Variants in INPP4B observed in about 807,000 individuals in gnomAD.
INPP4B encodes inositol polyphosphate 4-phosphatase type II.
A neutral mutation model predicts 122.5 loss-of-function variants in INPP4B; 55 were observed. The observed-to-expected ratio is 0.45, with a 90% CI of 0.36 to 0.56. The LOEUF is 0.56. Ranked by LOEUF, INPP4B falls within the 20% of genes least tolerant of loss-of-function variation. The pLI, the probability that INPP4B is intolerant of heterozygous loss-of-function variation, is 0.00. For synonymous variants in INPP4B, 403 were observed against 388.7 expected, an observed-to-expected ratio of 1.04 and a Z score of -0.43; for missense variants, 1,000 against 1,097.7, an observed-to-expected ratio of 0.91 and a Z score of 1.26.
At chr4:142,765,834 A>T (rs1232783202) in intron 1 of INPP4B, 1 of 138,944 alleles carries the variant, frequency 7.2e-6, no homozygotes, top group Non-Finnish European at 1.6e-5. Context: ...CTCAGCAAAA[A>T]GCTTCTGGTT....
At chr4:142,190,547 A>G (rs948817741) in intron 15 of INPP4B, among the ~76,000 whole-genome samples, 2 of 152,166 alleles carry the variant, frequency 1.3e-5, no homozygotes, top group Non-Finnish European at 2.9e-5. Context: ...CCACTGCCCT[A>G]TGGAGAATTC....
At chr4:142,360,154 C>T (rs989790313) in intron 7 of INPP4B, among the ~76,000 whole-genome samples, 1 of 151,856 alleles carries the variant, frequency 6.6e-6, no homozygotes, top group African/African-American at 2.4e-5. Context: ...GATCAGAATT[C>T]TGTTAACATT....
At chr4:142,152,080 T>C (rs1814322347) in intron 17 of INPP4B, among the ~76,000 whole-genome samples, 1 of 130,770 alleles carries the variant, frequency 7.6e-6, no homozygotes, top group South Asian at 2.5e-4. Context: ...TTTTTTTTTT[T>C]TTTTTTTTTT....
chr4:142,842,573 A>G (rs1469430919), intron 1 of INPP4B, among the ~76,000 whole-genome samples: 1 of 140,844 alleles, frequency 7.1e-6, no homozygotes, highest in East Asian at 2.0e-4. Flanking sequence ...ATAATATATG[A>G]TATATAAGAT....
Position 142,173,786 on chromosome 4 carries a change from T to G in INPP4B, c.1205A>C (p.Tyr402Ser), listed in dbSNP as rs144566208. 1 of 1,612,918 alleles carries G rather than the reference T, an allele frequency of 6.2e-7. No individual in the cohort carries two copies. The highest frequency in any genetic ancestry group is 2.2e-5 in the East Asian group (1 of 44,854). The change falls in exon 16 of 26, where the codon TAT becomes TCT. Residue 402 changes from tyrosine (Y) to serine (S), a missense_variant. Tyr to Ser is a moderately radical substitution (Grantham distance 144, BLOSUM62 -2). Coordinates refer to ENST00000262992, the MANE Select transcript of INPP4B (RefSeq NM_001101669.3). ...RRNTGYQFIYYSPENTAKAKE... is the reference protein window; with the variant it reads ...RRNTGYQFIYSSPENTAKAKE... ...TGCTTTGGCTGTGTTTTCAGGTGAA[T>G]AGTAAATAAACTGGTATCCGGTACT...
intron 14 of INPP4B, among the ~76,000 whole-genome samples, chr4:142,203,179 C>T (rs1841400620): frequency 6.6e-6 from 1 of 152,012 alleles, no homozygotes; most frequent in African/African-American, 2.4e-5. Flanking sequence ...AGGGACCAGG[C>T]TCACAAAGTA....
chr4:142,177,348 T>C (rs1828795431), intron 15 of INPP4B, among the ~76,000 whole-genome samples: 1 of 152,224 alleles, frequency 6.6e-6, no homozygotes, highest in Admixed American at 6.5e-5. Context: ...AAACATGTCA[T>C]ATATTTTAAC....
At chr4:142,415,341 C>G (rs1289361590) in intron 5 of INPP4B, among the ~76,000 whole-genome samples, 1 of 152,080 alleles carries the variant, frequency 6.6e-6, no homozygotes, top group Non-Finnish European at 1.5e-5. Flanking sequence ...GGAGTGGACT[C>G]AAGATGGCTG....
intron 1 of INPP4B, among the ~76,000 whole-genome samples, chr4:142,775,837 T>C (rs1218058114): frequency 2.0e-5 from 3 of 152,184 alleles, no homozygotes; most frequent in Non-Finnish European, 2.9e-5. Flanking sequence ...TGATGTTTAC[T>C]GTAGGTTTTT....
At chr4:142,736,027 A>G (rs1192240118) in intron 1 of INPP4B, among the ~76,000 whole-genome samples, 2 of 151,452 alleles carry the variant, frequency 1.3e-5, no homozygotes, top group African/African-American at 2.4e-5. Flanking sequence ...CTTACCTTCT[A>G]TGTCACACCA....
chr4:142,575,891 T>A (rs1365000308), intron 2 of INPP4B, among the ~76,000 whole-genome samples: 1 of 152,048 alleles, frequency 6.6e-6, no homozygotes, highest in East Asian at 1.9e-4. Context: ...ACCTAGTTAC[T>A]CAAGTAACTC....
chr4:142,738,824 G>A (rs1451155261), intron 1 of INPP4B, among the ~76,000 whole-genome samples: 1 of 152,042 alleles, frequency 6.6e-6, no homozygotes, highest in East Asian at 1.9e-4. Flanking sequence ...TAGTAGAGGA[G>A]CTACTATTTT....
At chr4:142,590,219 A>G (rs913829141) in intron 2 of INPP4B, among the ~76,000 whole-genome samples, 2 of 152,192 alleles carry the variant, frequency 1.3e-5, no homozygotes, top group Non-Finnish European at 2.9e-5. Context: ...CTTTTTCAAA[A>G]CCCATAAAAA....
In INPP4B at chr4:142,023,225, C is replaced by A. The variant is rs1467740137; in HGVS notation, c.*5557G>T. 6.6e-6 allele frequency: 1 copy of A among 151,890 alleles called. No homozygotes were observed. The highest frequency in any genetic ancestry group is 1.5e-5 in the Non-Finnish European group (1 of 67,972). 9.4% of individuals were successfully genotyped at this position (151,890 alleles called of 1,614,324 possible). On this transcript the variant is annotated 3_prime_UTR_variant, in exon 26 of 26. Coordinates refer to ENST00000262992, the MANE Select transcript of INPP4B (RefSeq NM_001101669.3). ...CAGTGTACAATGAATATGGTTTACA[C>A]AGAACAATAAAACAAAAATGATATC...
rs556094287 is a variant in INPP4B, at chr4:142,533,261, C to A, written c.-190-70535G>T. Among the ~76,000 whole-genome samples, 4 of 152,178 alleles carry A rather than the reference C, an allele frequency of 2.6e-5. No individual in the cohort carries two copies. The East Asian group carries it at 7.7e-4, about 29-fold the overall frequency. On this transcript the variant is annotated intron_variant, in intron 2 of 25. Coordinates refer to ENST00000262992, the MANE Select transcript of INPP4B (RefSeq NM_001101669.3). ...TGTTTCCACTGCTCTGTAGCAATCG[C>A]AAAGCTCTACTTAAAAGACAGAGTC...
At chr4:142,035,173 C>T (rs1276345673) in intron 25 of INPP4B, among the ~76,000 whole-genome samples, 2 of 152,158 alleles carry the variant, frequency 1.3e-5, no homozygotes, top group Admixed American at 6.6e-5. Context: ...TGGCTAAATA[C>T]GAGGGATCTG....
chr4:142,825,066 T>C (rs1169316136), intron 1 of INPP4B, among the ~76,000 whole-genome samples: 1 of 152,270 alleles, frequency 6.6e-6, no homozygotes, highest in East Asian at 1.9e-4. Flanking sequence ...ACTGATGAAC[T>C]AAAGTACATG....
chr4:142,402,496 G>A (rs185943450), intron 7 of INPP4B, among the ~76,000 whole-genome samples: 1 of 152,214 alleles, frequency 6.6e-6, no homozygotes. Flanking sequence ...TTGCTTTGGT[G>A]CCAGTAACAA....
At chr4:142,161,614 G>A (rs1037894295) in intron 16 of INPP4B, among the ~76,000 whole-genome samples, 7 of 151,764 alleles carry the variant, frequency 4.6e-5, no homozygotes, top group Admixed American at 4.6e-4. Context: ...CTCAATATGC[G>A]GTCAACAGTT....
Sources: gnomAD v4.1 joint callset for allele counts (sites outside exome capture counted in the v4.1 genomes callset) on GRCh38, gnomAD v4.1.1 for gene constraint, MANE v1.5 for transcripts, NCBI Gene and HGNC (gene_info 2026-07-23, HGNC 2026-07-21) for gene names.